Variants in MYO3B observed in about 807,000 individuals in gnomAD.
The protein encoded by MYO3B is myosin-IIIb.
Under a neutral mutation model 174.6 loss-of-function variants are expected in MYO3B, and 156 were observed. The observed-to-expected ratio is 0.89, with a 90% CI of 0.78 to 1.02. The LOEUF (loss-of-function observed/expected upper bound fraction) is 1.02. Ranked by LOEUF, MYO3B falls within the 50% of genes least tolerant of loss-of-function variation. The pLI, the probability that MYO3B is intolerant of heterozygous loss-of-function variation, is 0.00. For synonymous variants in MYO3B, 563 were observed against 569.1 expected, an observed-to-expected ratio of 0.99 and a Z score of 0.15; for missense variants, 1,632 against 1,639.4, an observed-to-expected ratio of 1.00 and a Z score of 0.08.
chr2:170,610,529 T>C (rs937509137), intron 32 of MYO3B, among the ~76,000 whole-genome samples: 2 of 152,320 alleles, frequency 1.3e-5, no homozygotes, highest in Middle Eastern at 3.4e-3. Context: ...AAACTCACTA[T>C]AGGCCTTTAA....
chr2:170,341,822 G>A (rs548231276), intron 8 of MYO3B, among the ~76,000 whole-genome samples: 17 of 152,268 alleles, frequency 1.1e-4, no homozygotes, highest in African/African-American at 3.9e-4. Context: ...CCTGAAGAGC[G>A]TCTAATTTAG....
intron 32 of MYO3B, among the ~76,000 whole-genome samples, chr2:170,573,132 T>C (rs1692549654): frequency 6.6e-6 from 1 of 151,364 alleles, no homozygotes; most frequent in Non-Finnish European, 1.5e-5. Context: ...ATTCTAGAAA[T>C]TGGACTGCTT....
chr2:170,252,158 T>G (rs778074793), intron 7 of MYO3B, among the ~76,000 whole-genome samples: 1 of 152,228 alleles, frequency 6.6e-6, no homozygotes, highest in Non-Finnish European at 1.5e-5. Context: ...AAGATCACAG[T>G]CCTCCTGCTG....
Position 170,651,632 on chromosome 2 carries a change from A to G in MYO3B, c.3738A>G (p.Ser1246=). Residue 1246 remains serine (S), a synonymous_variant, in exon 33 of 35, where the codon TCA becomes TCG. Transcript: ENST00000408978. ...SLWGAPQKPG[S]ENGLAQKHRT... The stretch of plus-strand genomic sequence containing the variant: ...AAAGTTTTGCTCTTTTTTCAGGTTC[A>G]GAAAATGGTCTTGCACAGAAGCATC... 6.2e-6 allele frequency: 10 copies of G among 1,614,058 alleles called. No homozygotes were observed. The highest frequency in any genetic ancestry group is 8.5e-6 in the Non-Finnish European group (10 of 1,179,952).
intron 7 of MYO3B, among the ~76,000 whole-genome samples, chr2:170,265,554 G>T (rs906773990): frequency 6.6e-6 from 1 of 152,206 alleles, no homozygotes; most frequent in African/African-American, 2.4e-5. Context: ...CATGTGGCAG[G>T]CATGGGCCAA....
chr2:170,589,573 T>G (rs1374497483), intron 32 of MYO3B, among the ~76,000 whole-genome samples: 1 of 152,160 alleles, frequency 6.6e-6, no homozygotes, highest in Non-Finnish European at 1.5e-5. Flanking sequence ...TAAAAAAAAT[T>G]TTAAATAGAA....
At chr2:170,513,795 AT>A (rs1688125700) in intron 28 of MYO3B, among the ~76,000 whole-genome samples, 1 of 152,186 alleles carries the variant, frequency 6.6e-6, no homozygotes, top group African/African-American at 2.4e-5. Flanking sequence ...ACTTGAAAGG[AT>A]TGGAGAGACA....
chr2:170,368,280 AT>A (rs1201729780), intron 8 of MYO3B, among the ~76,000 whole-genome samples: 1 of 152,234 alleles, frequency 6.6e-6, no homozygotes, highest in Non-Finnish European at 1.5e-5. Flanking sequence ...AATGGCATCC[AT>A]TTATCCTAAG....
intron 25 of MYO3B, among the ~76,000 whole-genome samples, chr2:170,476,533 G>A (rs1039576911): frequency 6.6e-5 from 10 of 152,096 alleles, no homozygotes; most frequent in African/African-American, 2.4e-4. Context: ...TCTTCCTCTG[G>A]AGTTTGGCTG....
In MYO3B at chr2:170,386,186, C is replaced by T; in HGVS notation, c.1291-3C>T. On this transcript the variant is annotated splice_polypyrimidine_tract_variant and splice_region_variant and intron_variant, in intron 12 of 34. Coordinates refer to ENST00000408978, the MANE Select transcript of MYO3B (RefSeq NM_138995.5). The stretch of plus-strand genomic sequence containing the variant: ...TCACTTGACGCTCCATTTTCTGTGC[C>T]AGTGCATTGTCATCAGCGGAGAGAG... The T allele has an allele frequency of 6.2e-7, 1 of 1,612,988 alleles. No homozygotes were observed. The highest frequency in any genetic ancestry group is 8.5e-7 in the Non-Finnish European group (1 of 1,179,306).
chr2:170,627,533 A>C (rs187159109), intron 32 of MYO3B, among the ~76,000 whole-genome samples: 14 of 152,314 alleles, frequency 9.2e-5, no homozygotes, highest in African/African-American at 3.4e-4. Flanking sequence ...GGTCATCTGA[A>C]GCCTTCTTCT....
intron 8 of MYO3B, among the ~76,000 whole-genome samples, chr2:170,339,958 C>T (rs142633954): frequency 9.9e-5 from 15 of 152,156 alleles, no homozygotes; most frequent in South Asian, 8.3e-4. Flanking sequence ...CTTTCCCCTA[C>T]GACTAAAGCT....
intron 22 of MYO3B, among the ~76,000 whole-genome samples, chr2:170,432,117 TTTAAG>T (rs1303057179): frequency 1.3e-5 from 2 of 152,244 alleles, no homozygotes; most frequent in African/African-American, 4.8e-5. Context: ...ATAGTAGGCT[TTTAAG>T]TTATTATTTT....
intron 25 of MYO3B, among the ~76,000 whole-genome samples, chr2:170,470,079 G>A (rs1450944951): frequency 1.7e-5 from 2 of 119,354 alleles, no homozygotes; most frequent in Admixed American, 1.2e-4. Flanking sequence ...TCCAGCCTGG[G>A]CAACAAGAGC....
intron 30 of MYO3B, 34 bp downstream of exon 30, chr2:170,519,574 A>G (rs770294546): frequency 4.7e-6 from 7 of 1,499,086 alleles, no homozygotes; most frequent in Non-Finnish European, 4.6e-6. Context: ...CCCTGTTGTA[A>G]ACTCAGGTGC....
chr2:170,511,308 C>T (rs1287135097), intron 28 of MYO3B, among the ~76,000 whole-genome samples: 7 of 151,658 alleles, frequency 4.6e-5, no homozygotes, highest in African/African-American at 1.7e-4. Context: ...CCTCGTGATC[C>T]GCCTGCCTCG....
intron 7 of MYO3B, among the ~76,000 whole-genome samples, chr2:170,295,458 A>G (rs1350997812): frequency 1.3e-5 from 2 of 151,712 alleles, no homozygotes; most frequent in African/African-American, 2.4e-5. Context: ...TACTATATTG[A>G]TTTAACGAGG....
chr2:170,429,637 G>C (rs896965112), intron 22 of MYO3B, among the ~76,000 whole-genome samples: 2 of 152,152 alleles, frequency 1.3e-5, no homozygotes, highest in African/African-American at 4.8e-5. Context: ...TGTCTTACAA[G>C]CTCTCTGGAA....
intron 22 of MYO3B, among the ~76,000 whole-genome samples, chr2:170,410,739 C>T (rs941701474): frequency 6.6e-6 from 1 of 151,924 alleles, no homozygotes; most frequent in Non-Finnish European, 1.5e-5. Flanking sequence ...TGGTCTGGCT[C>T]CTGATCTTGG....
Sources: gnomAD v4.1 joint callset for allele counts (sites outside exome capture counted in the v4.1 genomes callset) on GRCh38, gnomAD v4.1.1 for gene constraint, MANE v1.5 for transcripts, NCBI Gene and HGNC (gene_info 2026-07-23, HGNC 2026-07-21) for gene names.